The following LPP variants were observed in gnomAD, a reference collection of about 807,000 sequenced individuals.
The protein encoded by LPP is lipoma-preferred partner.
A neutral mutation model predicts 60.4 loss-of-function variants in LPP; 38 were observed. The ratio of observed to expected loss-of-function variants is 0.63; its 90% CI spans 0.49 to 0.83. The LOEUF (loss-of-function observed/expected upper bound fraction) is 0.83, where lower values mean the gene tolerates loss of function less well. Ranked by LOEUF, LPP falls within the 40% of genes least tolerant of loss-of-function variation. The probability of loss-of-function intolerance (pLI) is 0.00; values close to 1 mark genes in which losing one functional copy is unlikely to be tolerated. For synonymous variants in LPP, 328 were observed against 290.8 expected (o/e 1.13, Z -1.30); for missense variants, 902 against 783.6 (o/e 1.15, Z -1.80).
chr3:188,495,085 T>A (rs1479309276), intron 5 of LPP, among the ~76,000 whole-genome samples: 5,399 of 106,578 alleles, frequency 0.051, 294 homozygotes, highest in Middle Eastern at 0.13. Flanking sequence ...TATATATATT[T>A]TATTTATATT....
chr3:188,632,495 T>G (rs1380229659), intron 7 of LPP, among the ~76,000 whole-genome samples: 3 of 152,170 alleles, frequency 2.0e-5, no homozygotes, highest in Non-Finnish European at 4.4e-5. Context: ...GTTAAAGTTT[T>G]TTGGTTACTT....
At chr3:188,651,242 A>G (rs771687257) in intron 7 of LPP, among the ~76,000 whole-genome samples, 1 of 152,158 alleles carries the variant, frequency 6.6e-6, no homozygotes. Flanking sequence ...CCTTCCAGGA[A>G]CCCTTAGTCT....
intron 6 of LPP, among the ~76,000 whole-genome samples, chr3:188,527,834 C>T (rs1309245198): frequency 1.3e-5 from 2 of 151,004 alleles, no homozygotes; most frequent in Admixed American, 6.6e-5. Flanking sequence ...CTGCAACCTC[C>T]GCCTCCTGGG....
intron 4 of LPP, among the ~76,000 whole-genome samples, chr3:188,421,905 G>A (rs1252300537): frequency 6.6e-6 from 1 of 152,150 alleles, no homozygotes. Flanking sequence ...GGTCCACCAA[G>A]GTTATGGCTC....
chr3:188,742,122 G>C (rs1724648661), intron 8 of LPP, among the ~76,000 whole-genome samples: 1 of 152,094 alleles, frequency 6.6e-6, no homozygotes, highest in Non-Finnish European at 1.5e-5. Flanking sequence ...ACATTGATGA[G>C]AGTGGCTAAG....
chr3:188,889,791 T>G lies in LPP; in HGVS notation c.*15312T>G, dbSNP rs548611510. On this transcript the variant is annotated 3_prime_UTR_variant, in exon 12 of 12. Coordinates refer to ENST00000617246, the MANE Select transcript of LPP (RefSeq NM_001375462.1). Reference sequence around the variant, plus strand: ...AGTCATCATCATTGGATGAATCCAGTTGACTCTTTGGCAAAAGGGTGATAC... The same window carrying G: ...AGTCATCATCATTGGATGAATCCAGGTGACTCTTTGGCAAAAGGGTGATAC... The G allele has an allele frequency of 4.6e-6, 1 of 216,198 alleles. No individual in the cohort carries two copies. Among genetic ancestry groups the G allele is most frequent in the African/African-American group, 2.2e-5 (1 of 44,446 alleles). The allele number at this position is 216,198 out of a possible 1,614,324, so 13.4% of individuals were successfully genotyped here. A position where few individuals can be genotyped will look rare whatever the true frequency, so the allele number is the denominator to read the frequency against.
At chr3:188,656,463 A>G (rs1853238896) in intron 7 of LPP, among the ~76,000 whole-genome samples, 1 of 152,000 alleles carries the variant, frequency 6.6e-6, no homozygotes, top group East Asian at 1.9e-4. Context: ...GTGTAGACTC[A>G]AAAAAAGCAA....
chr3:188,593,689 C>T (rs767232048), intron 6 of LPP, among the ~76,000 whole-genome samples: 8 of 152,152 alleles, frequency 5.3e-5, no homozygotes, highest in Admixed American at 3.3e-4. Flanking sequence ...TGAGAACATA[C>T]GATGTTCGGT....
intron 2 of LPP, among the ~76,000 whole-genome samples, chr3:188,276,736 T>C (rs1739958424): frequency 1.3e-5 from 2 of 148,900 alleles, no homozygotes; most frequent in Admixed American, 1.3e-4. Context: ...TCTGTCCTCC[T>C]CTCCTGCTGT....
At chr3:188,416,215 T>C (rs1786236454) in intron 4 of LPP, among the ~76,000 whole-genome samples, 1 of 152,194 alleles carries the variant, frequency 6.6e-6, no homozygotes, top group African/African-American at 2.4e-5. Flanking sequence ...GCATGATACT[T>C]TGAAAGATCA....
chr3:188,693,598 CTT>C (rs533286110), intron 7 of LPP, among the ~76,000 whole-genome samples: 7 of 152,242 alleles, frequency 4.6e-5, no homozygotes, highest in African/African-American at 1.7e-4. Flanking sequence ...GAGAAACACT[CTT>C]TGTTTGTCGA....
At position 188,435,812 on chromosome 3, in the gene LPP, C is replaced by T. The variant is rs1792153519; in HGVS notation, c.193+29499C>T. On this transcript the variant is annotated intron_variant, in intron 4 of 11. Transcript: ENST00000617246. ...GATGTTGTGTTTGTAATGTTGCTTC[C>T]ATTTTGTCCCTTTCCTTGAAGCTTG... 2.0e-5 allele frequency among the ~76,000 whole-genome samples: 3 copies of T among 152,236 alleles called. No homozygotes were observed. The South Asian group carries it at 6.2e-4, about 32-fold the overall frequency.
chr3:188,572,983 C>T lies in LPP; in HGVS notation c.430-36178C>T, dbSNP rs931668376. On this transcript the variant is annotated intron_variant, in intron 6 of 11. Coordinates refer to ENST00000617246, the MANE Select transcript of LPP (RefSeq NM_001375462.1). This position sits in a 1 kb window ranked among gnomAD's most constrained non-coding sequence, Gnocchi z 4.1. ...ATAGCTCCTTAGCCAAAACTATTCA[C>T]ATGGCCCTACCTAGCCATAGGGTTG... 1.3e-5 allele frequency among the ~76,000 whole-genome samples: 2 copies of T among 152,162 alleles called. No individual in the cohort carries two copies. Among genetic ancestry groups the T allele is most frequent in the African/African-American group, 4.8e-5 (2 of 41,442 alleles).
intron 2 of LPP, among the ~76,000 whole-genome samples, chr3:188,265,284 A>T (rs1470904282): frequency 1.3e-5 from 2 of 152,186 alleles, no homozygotes; most frequent in Non-Finnish European, 2.9e-5. Flanking sequence ...AGCTATGGCC[A>T]TGTGCTTACT....
intron 2 of LPP, among the ~76,000 whole-genome samples, chr3:188,325,232 C>T (rs913229994): frequency 6.6e-6 from 1 of 152,118 alleles, no homozygotes; most frequent in Non-Finnish European, 1.5e-5. Flanking sequence ...CCACCCGCCT[C>T]GGCCTCCCAA....
In LPP at chr3:188,390,601, C is replaced by T. The variant is rs142099542; in HGVS notation, c.-9-15511C>T. Among the ~76,000 whole-genome samples the T allele has an allele frequency of 3.3e-3, 498 of 151,038 alleles. 2 individuals carry two copies. The highest frequency in any genetic ancestry group is 0.017 in the Middle Eastern group (5 of 294). On this transcript the variant is annotated intron_variant, in intron 3 of 11. Coordinates refer to ENST00000617246, the MANE Select transcript of LPP (RefSeq NM_001375462.1). ...ACCGGGTGCCAGAACTGGGTTTAGA[C>T]GTCTTACTAGATCTCTCTTGCTGTT...
chr3:188,832,486 G>A (rs1196432020), intron 9 of LPP, among the ~76,000 whole-genome samples: 2 of 152,200 alleles, frequency 1.3e-5, no homozygotes, highest in African/African-American at 4.8e-5. Context: ...GTAAGACTCC[G>A]AGTGGAGGAC....
chr3:188,169,043 C>G (rs957776014), intron 1 of LPP, among the ~76,000 whole-genome samples: 10 of 152,210 alleles, frequency 6.6e-5, no homozygotes, highest in African/African-American at 2.4e-4. Flanking sequence ...TTATTTTCTT[C>G]TACTTAAGAC....
intron 7 of LPP, among the ~76,000 whole-genome samples, chr3:188,648,575 G>A (rs540480436): frequency 1.6e-4 from 25 of 152,266 alleles, no homozygotes; most frequent in African/African-American, 5.8e-4. Context: ...TCTGTCTTCT[G>A]TCCTGTTTGT....
Sources: gnomAD v4.1 joint callset for allele counts (sites outside exome capture counted in the v4.1 genomes callset) on GRCh38, gnomAD v4.1.1 for gene constraint, Gnocchi (gnomAD v3.1) non-coding constraint, MANE v1.5 for transcripts, NCBI Gene and HGNC (gene_info 2026-07-23, HGNC 2026-07-21) for gene names.